The following ZNF829 variants were observed in gnomAD, a reference collection of about 807,000 sequenced individuals.
ZNF829 encodes zinc finger protein 829.
ZNF829 carries 25 observed loss-of-function variants against 35.2 expected under a neutral mutation model. The observed-to-expected ratio is 0.71, with a 90% CI of 0.52 to 0.99. The LOEUF (loss-of-function observed/expected upper bound fraction) is 0.99, where lower values mean the gene tolerates loss of function less well. Ranked by LOEUF, ZNF829 falls within the 50% of genes least tolerant of loss-of-function variation. ZNF829 has a pLI of 0.00. For missense variants in ZNF829, 417 were observed against 515.3 expected, an observed-to-expected ratio of 0.81 and a Z score of 1.85; for synonymous variants, 136 against 163.2, an observed-to-expected ratio of 0.83 and a Z score of 1.27.
At chr19:36,898,686 C>T (rs2073134742) in intron 5 of ZNF829, among the ~76,000 whole-genome samples, 1 of 152,048 alleles carries the variant, frequency 6.6e-6, no homozygotes, top group Non-Finnish European at 1.5e-5. Context: ...AAGAGAGAAC[C>T]CACAAATAAA....
intron 5 of ZNF829, chr19:36,892,913 G>C (rs1353974556): frequency 2.7e-6 from 3 of 1,107,328 alleles, no homozygotes; most frequent in African/African-American, 3.2e-5. Flanking sequence ...GCCCAGGCAG[G>C]GGTTAAGCTG....
At chr19:36,912,467 T>C (rs900126437) in intron 3 of ZNF829, among the ~76,000 whole-genome samples, 1 of 152,192 alleles carries the variant, frequency 6.6e-6, no homozygotes, top group Non-Finnish European at 1.5e-5. Flanking sequence ...ATTTGGTTTT[T>C]CAGTTACACA....
At chr19:36,895,194 T>C (rs1322706543) in intron 5 of ZNF829, among the ~76,000 whole-genome samples, 3 of 152,174 alleles carry the variant, frequency 2.0e-5, no homozygotes, top group Non-Finnish European at 4.4e-5. Flanking sequence ...AAAAACACTG[T>C]CAGCCAAGAA....
intron 3 of ZNF829, chr19:36,912,665 A>C (rs557422044): frequency 6.6e-6 from 1 of 152,298 alleles, no homozygotes; most frequent in Admixed American, 6.5e-5. Context: ...CTGATTAAAC[A>C]TTAGATTAAG....
chr19:36,907,957 A>G lies in ZNF829; in HGVS notation c.291T>C (p.Asp97=), dbSNP rs747413794. 5.6e-6 allele frequency: 9 copies of G among 1,613,918 alleles called. No individual in the cohort carries two copies. In the East Asian group the frequency reaches 8.9e-5, roughly 16 times the overall value. ...LEQGKEPWMV[D]RELTRGLCSD... ...AACACAGGCCTCTAGTCAGCTCTCT[A>G]TCAACCATCCAGGGCTCTTTTCCTT... Residue 97 remains aspartate, a synonymous_variant, in exon 5 of 6, where the codon GAT becomes GAC. Transcript: ENST00000391711.
intron 5 of ZNF829, among the ~76,000 whole-genome samples, chr19:36,903,464 C>T (rs996320201): frequency 6.6e-6 from 1 of 152,148 alleles, no homozygotes; most frequent in African/African-American, 2.4e-5. Context: ...TATCACATGT[C>T]AGGAGTCTGT....
intron 5 of ZNF829, among the ~76,000 whole-genome samples, chr19:36,893,733 A>C (rs1257082165): frequency 1.3e-5 from 2 of 152,182 alleles, no homozygotes; most frequent in Non-Finnish European, 2.9e-5. Flanking sequence ...GGCCAAACTT[A>C]GTCTGGGTGA....
chr19:36,893,036 A>G lies in ZNF829; in HGVS notation c.320-565T>C, dbSNP rs2146226054. The G allele has an allele frequency of 2.7e-5, 11 of 402,306 alleles. No homozygotes were observed. In the East Asian group the frequency reaches 3.9e-4, roughly 14 times the overall value. The allele number at this position is 402,306 out of a possible 1,614,324, so 24.9% of individuals were successfully genotyped here. On this transcript the variant is annotated intron_variant, in intron 5 of 5. Transcript: ENST00000391711. ...TTCATAAACATATGCTCACATGCAC[A>G]GAGTATGATACTGTATGTTTTGCAA...
intron 5 of ZNF829, among the ~76,000 whole-genome samples, chr19:36,904,624 T>A (rs1250477933): frequency 6.6e-6 from 1 of 152,168 alleles, no homozygotes; most frequent in African/African-American, 2.4e-5. Context: ...GGTTTCGAAC[T>A]CCTGACCTCA....
intron 5 of ZNF829, among the ~76,000 whole-genome samples, chr19:36,902,810 T>C (rs1600736720): frequency 6.6e-6 from 1 of 151,812 alleles, no homozygotes; most frequent in Non-Finnish European, 1.5e-5. Flanking sequence ...CCAAGGCGGG[T>C]GGATTACTTG....
Position 36,891,684 on chromosome 19 carries a change from T to G in ZNF829, c.1107A>C (p.Gln369His). 2 of 1,613,816 alleles carry G rather than the reference T, an allele frequency of 1.2e-6. No homozygotes were observed. The highest frequency in any genetic ancestry group is 1.7e-6 in the Non-Finnish European group (2 of 1,179,882). ...KAFIQSSELI[Q>H]HQRIHTDEKP... is the part of the protein sequence containing the mutation. ...TTTCATCTGTATGGATTCTCTGATG[T>G]TGAATAAGTTCTGAGCTCTGAATAA... The change falls in exon 6 of 6, where the codon CAA becomes CAC. Residue 369 changes from glutamine (Q) to histidine (H), a missense_variant. Physicochemically the swap from Gln to His is conservative, Grantham distance 24. Transcript: ENST00000391711.
chr19:36,892,796 A>T (rs28635726), intron 5 of ZNF829: 17,862 of 567,718 alleles, frequency 0.031, 1,146 homozygotes, highest in African/African-American at 0.19. Flanking sequence ...AAAAAAAAAA[A>T]TTTTTTTTGC....
chr19:36,911,837 T>G (rs762908773), intron 3 of ZNF829, among the ~76,000 whole-genome samples: 1 of 152,162 alleles, frequency 6.6e-6, no homozygotes, highest in Non-Finnish European at 1.5e-5. Flanking sequence ...AACAAAGGAA[T>G]GGATCACAGA....
chr19:36,907,827 T>A, intron 5 of ZNF829, 102 bp downstream of exon 5: 1 of 959,384 alleles, frequency 1.0e-6, no homozygotes, highest in Admixed American at 2.8e-5. Context: ...GTGGGATAGC[T>A]TATATGGAAG....
Position 36,908,033 on chromosome 19 carries a change from A to T in ZNF829, c.224-9T>A, listed in dbSNP as rs1312158403. The T allele has an allele frequency of 6.2e-7, 1 of 1,611,778 alleles. No homozygotes were observed. Among genetic ancestry groups the T allele is most frequent in the Non-Finnish European group, 8.5e-7 (1 of 1,178,914 alleles). On this transcript the variant is annotated splice_polypyrimidine_tract_variant and intron_variant, in intron 4 of 5. Coordinates refer to ENST00000391711, the MANE Select transcript of ZNF829 (RefSeq NM_001037232.4). ...CTTAGAATTGGAAAGTCCTGTTCAC[A>T]AGAAAAGACATGGGACATGGTTATG...
chr19:36,898,620 G>A (rs993919787), intron 5 of ZNF829, among the ~76,000 whole-genome samples: 19 of 152,240 alleles, frequency 1.2e-4, no homozygotes, highest in South Asian at 2.1e-4. Flanking sequence ...CAAAGCTGTC[G>A]TAACCAAAAC....
intron 3 of ZNF829, among the ~76,000 whole-genome samples, chr19:36,909,743 G>T (rs1168785797): frequency 6.6e-6 from 1 of 151,452 alleles, no homozygotes; most frequent in African/African-American, 2.4e-5. Flanking sequence ...GGAGGCGGAG[G>T]TTGCAGTGAG....
At chr19:36,895,707 C>T (rs1038022073) in intron 5 of ZNF829, among the ~76,000 whole-genome samples, 27 of 151,786 alleles carry the variant, frequency 1.8e-4, no homozygotes, top group African/African-American at 6.5e-4. Flanking sequence ...GTGAGAGTAG[C>T]CATACTTAAA....
At chr19:36,909,176 C>T (rs553815246) in intron 3 of ZNF829, among the ~76,000 whole-genome samples, 35 of 152,220 alleles carry the variant, frequency 2.3e-4, no homozygotes, top group African/African-American at 7.5e-4. Context: ...AATCCTAGAA[C>T]ATCATCCGGC....
Sources: allele counts gnomAD v4.1 joint callset (sites outside exome capture counted in the v4.1 genomes callset), GRCh38; gene constraint gnomAD v4.1.1; transcripts MANE v1.5; gene names NCBI Gene and HGNC (gene_info 2026-07-23, HGNC 2026-07-21).